The following FRY variants were observed in gnomAD, a reference collection of about 807,000 sequenced individuals.
FRY encodes the protein FRY microtubule binding protein, also known as protein furry homolog.
FRY carries 128 observed loss-of-function variants against 348.4 expected under a neutral mutation model. That is an observed-to-expected ratio of 0.37 (90% CI 0.32 to 0.43). The LOEUF is 0.43. Among genes scored for constraint, FRY ranks in the 20% least tolerant of loss-of-function variants. FRY has a pLI of 1.00. For synonymous variants in FRY, 1,370 were observed against 1,374.7 expected (o/e 1.00, Z 0.08); for missense variants, 2,736 against 3,695.2 (o/e 0.74, Z 6.73).
At chr13:32,076,239 A>G (rs1875047361) in intron 1 of FRY, among the ~76,000 whole-genome samples, 1 of 152,206 alleles carries the variant, frequency 6.6e-6, no homozygotes, top group Non-Finnish European at 1.5e-5. Flanking sequence ...TGTATATATT[A>G]TATCAACCCA....
At chr13:32,182,090 T>G (rs1325970871) in intron 23 of FRY, among the ~76,000 whole-genome samples, 1 of 152,196 alleles carries the variant, frequency 6.6e-6, no homozygotes, top group Non-Finnish European at 1.5e-5. Context: ...TAGTGATGTT[T>G]AATAGAACAA....
At chr13:32,210,787 A>G in intron 33 of FRY, 79 bp from the exon 34 acceptor site, 1 of 1,164,344 alleles carries the variant, frequency 8.6e-7, no homozygotes, top group Non-Finnish European at 1.3e-6. Context: ...CAACTTATCT[A>G]AATGAGAGGT....
chr13:32,269,847 CCTT>C (rs1321156850), intron 55 of FRY, among the ~76,000 whole-genome samples: 6 of 152,178 alleles, frequency 3.9e-5, no homozygotes, highest in African/African-American at 7.2e-5. Flanking sequence ...GCCTGGAGGC[CCTT>C]CTTATAATCC....
chr13:32,286,509 A>G (rs1413473233), intron 58 of FRY, among the ~76,000 whole-genome samples: 2 of 152,012 alleles, frequency 1.3e-5, no homozygotes, highest in Admixed American at 1.3e-4. Context: ...GCACTTTGGG[A>G]GTCCGAGGCA....
At chr13:32,216,832 A>G (rs1006618720) in intron 35 of FRY, among the ~76,000 whole-genome samples, 2 of 152,222 alleles carry the variant, frequency 1.3e-5, no homozygotes, top group Non-Finnish European at 2.9e-5. Context: ...TAGATTCACA[A>G]ATGCCCAAAA....
intron 31 of FRY, among the ~76,000 whole-genome samples, chr13:32,204,305 C>T (rs1266862346): frequency 7.1e-6 from 1 of 141,828 alleles, no homozygotes. Flanking sequence ...CCACCACCAT[C>T]ATCATTGTTT....
At chr13:32,059,364 C>T (rs998273241) in intron 1 of FRY, among the ~76,000 whole-genome samples, 2 of 150,038 alleles carry the variant, frequency 1.3e-5, no homozygotes, top group African/African-American at 4.9e-5. Context: ...TTTATTTGCA[C>T]CTGACCACTT....
chr13:32,186,053 G>C (rs936364080), intron 26 of FRY, among the ~76,000 whole-genome samples: 1 of 152,164 alleles, frequency 6.6e-6, no homozygotes, highest in African/African-American at 2.4e-5. Context: ...CTGAGTCAAG[G>C]TGCTGCTGGC....
At chr13:32,117,993 T>C (rs969215422) in intron 4 of FRY, among the ~76,000 whole-genome samples, 1 of 152,170 alleles carries the variant, frequency 6.6e-6, no homozygotes, top group African/African-American at 2.4e-5. Flanking sequence ...GGAAGTTAGG[T>C]GACACCATCT....
intron 31 of FRY, among the ~76,000 whole-genome samples, chr13:32,204,893 G>T (rs1291081960): frequency 6.6e-6 from 1 of 152,168 alleles, no homozygotes; most frequent in African/African-American, 2.4e-5. Flanking sequence ...AACGTTCATA[G>T]TCTAGCAGAA....
chr13:32,171,981 GGATGTGGATGTGGATATA>G (rs1882113130), intron 18 of FRY, among the ~76,000 whole-genome samples: 1 of 8,522 alleles, frequency 1.2e-4, no homozygotes, highest in Non-Finnish European at 2.5e-4. Context: ...GATGTAGATA[GGATGTGGATGTGGATATA>G]CATGTGGATG....
chr13:32,140,035 C>A (rs1395942897), intron 11 of FRY, among the ~76,000 whole-genome samples: 1 of 150,950 alleles, frequency 6.6e-6, no homozygotes, highest in Non-Finnish European at 1.5e-5. Flanking sequence ...TTAAAAATTT[C>A]TTATATTTTA....
Position 32,262,381 on chromosome 13 carries a change from C to A in FRY, c.7685C>A (p.Thr2562Asn). The change falls in exon 53 of 61, where the codon ACC becomes AAC. Residue 2562 changes from threonine (T) to asparagine (N), a missense_variant. Physicochemically the swap from Thr to Asn is moderately conservative, Grantham distance 65. This residue lies in a region of FRY where 789 missense variants were observed against 996.2 expected (regional missense o/e 0.79). Coordinates refer to ENST00000542859, the MANE Select transcript of FRY (RefSeq NM_023037.3). ...CTGCTCACCACAGCCTGTGACTCGA[C>A]CCCTGCAGAACCTCATTCCTTTAAC... ...MELLTTACDS[T>N]PAEPHSFNTR... 1.2e-6 allele frequency: 2 copies of A among 1,613,434 alleles called. No homozygotes were observed. Among genetic ancestry groups the A allele is most frequent in the Non-Finnish European group, 1.7e-6 (2 of 1,179,352 alleles).
intron 1 of FRY, among the ~76,000 whole-genome samples, chr13:32,052,028 T>C (rs904914397): frequency 6.6e-6 from 1 of 152,248 alleles, no homozygotes; most frequent in African/African-American, 2.4e-5. Flanking sequence ...TATGATCTTT[T>C]GCTGCTCAAC....
In FRY at chr13:32,127,564, C is replaced by T. The variant is rs577429591; in HGVS notation, c.716+2689C>T. Among the ~76,000 whole-genome samples the T allele has an allele frequency of 2.6e-4, 39 of 152,032 alleles. 1 individual carries two copies. Among genetic ancestry groups the T allele is most frequent in the Non-Finnish European group, 4.4e-4 (30 of 68,004 alleles). ...AGGCCAAGGTGGGCGGATCACAAGG[C>T]CAGGAGATCGAGACCATCCTGGCTA... On this transcript the variant is annotated intron_variant, in intron 7 of 60. Coordinates refer to ENST00000542859, the MANE Select transcript of FRY (RefSeq NM_023037.3).
intron 1 of FRY, among the ~76,000 whole-genome samples, chr13:32,047,680 C>T (rs1873101863): frequency 6.6e-6 from 1 of 151,772 alleles, no homozygotes; most frequent in Admixed American, 6.6e-5. Context: ...AAGTGATTCT[C>T]CTGCCTCAGC....
intron 37 of FRY, 124 bp from the exon 38 acceptor site, chr13:32,224,809 C>T (rs779443399): frequency 2.1e-5 from 15 of 716,206 alleles, no homozygotes; most frequent in South Asian, 9.0e-5. Flanking sequence ...CTATTTCCCC[C>T]GAATAAGAGC....
At position 32,247,454 on chromosome 13, in the gene FRY, C is replaced by G; in HGVS notation, c.6960C>G (p.Ser2320=). 1 of 1,613,568 alleles carries G rather than the reference C, an allele frequency of 6.2e-7. No individual in the cohort carries two copies. The highest frequency in any genetic ancestry group is 8.5e-7 in the Non-Finnish European group (1 of 1,179,512). ...TACATCGAGTGTGGACTAGTGCTTC[C>G]AAGGAATTACCTGGGAAAACCCTGG... The part of the protein sequence containing the change: ...IEIHRVWTSA[S]KELPGKTLDF... Residue 2320 remains serine, a synonymous_variant, in exon 48 of 61, where the codon TCC becomes TCG. Transcript: ENST00000542859.
intron 54 of FRY, 67 bp from the exon 55 acceptor site, chr13:32,267,102 AT>A: frequency 1.4e-6 from 2 of 1,433,184 alleles, no homozygotes; most frequent in Middle Eastern, 1.8e-4. Flanking sequence ...CAGGGTGAGA[AT>A]TTATAAAACC....
Sources: gnomAD v4.1 joint callset for allele counts (sites outside exome capture counted in the v4.1 genomes callset) on GRCh38, gnomAD v4.1.1 for gene constraint, gnomAD v4.1.1 regional missense constraint, MANE v1.5 for transcripts, NCBI Gene and HGNC (gene_info 2026-07-23, HGNC 2026-07-21) for gene names.